The following ITPR1 variants were observed in gnomAD, a reference collection of about 807,000 sequenced individuals.
ITPR1 encodes inositol 1,4,5-trisphosphate-gated calcium channel ITPR1.
A neutral mutation model predicts 318.4 loss-of-function variants in ITPR1; 96 were observed. That is an observed-to-expected ratio of 0.30 (90% CI 0.26 to 0.36). The LOEUF (loss-of-function observed/expected upper bound fraction) is 0.36. ITPR1 is among the 10% of genes least tolerant of loss of function. The pLI is 1.00. For missense variants in ITPR1, 2,440 were observed against 3,460.2 expected (o/e 0.71, Z 7.40); for synonymous variants, 1,312 against 1,289.9 (o/e 1.02, Z -0.37).
At position 4,574,124 on chromosome 3, in the gene ITPR1, A is replaced by G. The variant is rs561565571; in HGVS notation, c.163+53030A>G. Among the ~76,000 whole-genome samples the G allele has an allele frequency of 2.3e-3, 355 of 151,982 alleles. 2 individuals carry two copies. Among genetic ancestry groups the G allele is most frequent in the African/African-American group, 8.1e-3 (337 of 41,424 alleles). ...GTAATCTGTCTACCATTTCTAGCCA[A>G]TTTCTCCAGCTAGAAATAATTTATG... On this transcript the variant is annotated intron_variant, in intron 4 of 61. Coordinates refer to ENST00000649015, the MANE Select transcript of ITPR1 (RefSeq NM_001378452.1).
intron 4 of ITPR1, among the ~76,000 whole-genome samples, chr3:4,597,199 C>T (rs1046813365): frequency 1.3e-5 from 2 of 152,158 alleles, no homozygotes; most frequent in Non-Finnish European, 2.9e-5. Flanking sequence ...AAATTGCCCT[C>T]TTTTAAAAAT....
At position 4,731,479 on chromosome 3, in the gene ITPR1, C is replaced by A. The variant is rs189465458; in HGVS notation, c.5221-1609C>A. The stretch of plus-strand genomic sequence containing the variant: ...GAGTTTCATGAGCTGATAGAAGTTA[C>A]CCTCCTTTGCTGAACTATGAAGAGA... On this transcript the variant is annotated intron_variant, in intron 42 of 61. Transcript: ENST00000649015. Among the ~76,000 whole-genome samples, 397 of 152,274 alleles carry A rather than the reference C, an allele frequency of 2.6e-3. 1 individual carries two copies. The highest frequency in any genetic ancestry group is 0.01 in the Middle Eastern group (3 of 294).
At chr3:4,644,304 T>G in intron 8 of ITPR1, 70 bp downstream of exon 8, 1 of 1,022,318 alleles carries the variant, frequency 9.8e-7, no homozygotes, top group Admixed American at 2.1e-5. Flanking sequence ...CGCCAGTGCA[T>G]GCGTGTGCTG....
rs575807986 is a variant in ITPR1, at chr3:4,557,646, A to G, written c.163+36552A>G. The stretch of plus-strand genomic sequence containing the variant: ...GTGGCTTTCAAGCTTCAAGGATTAT[A>G]TATTTCTTTAGCACTTGGCATTGTT... On this transcript the variant is annotated intron_variant, in intron 4 of 61. Coordinates refer to ENST00000649015, the MANE Select transcript of ITPR1 (RefSeq NM_001378452.1). 4.6e-5 allele frequency among the ~76,000 whole-genome samples: 7 copies of G among 152,328 alleles called. No individual in the cohort carries two copies. In the East Asian group the frequency reaches 1.3e-3, roughly 29 times the overall value.
intron 31 of ITPR1, among the ~76,000 whole-genome samples, chr3:4,690,747 G>T (rs777321972): frequency 1.3e-5 from 2 of 152,172 alleles, no homozygotes; most frequent in Non-Finnish European, 2.9e-5. Context: ...ATATATTCAT[G>T]CAATGGAACT....
At chr3:4,718,899 T>C (rs952996029) in intron 40 of ITPR1, among the ~76,000 whole-genome samples, 1 of 152,256 alleles carries the variant, frequency 6.6e-6, no homozygotes, top group Admixed American at 6.5e-5. Flanking sequence ...CTCTTGTTTC[T>C]ACGTAGAGTT....
intron 10 of ITPR1, 106 bp from the exon 11 acceptor site, chr3:4,652,017 C>G: frequency 2.3e-6 from 2 of 868,998 alleles, no homozygotes; most frequent in Non-Finnish European, 3.7e-6. Flanking sequence ...TTTTCTTTTT[C>G]TAGCTTATAA....
At chr3:4,813,328 G>C in intron 57 of ITPR1, 94 bp downstream of exon 57, 2 of 849,348 alleles carry the variant, frequency 2.4e-6, no homozygotes, top group Non-Finnish European at 3.8e-6. Flanking sequence ...TAAATTTACT[G>C]CTCAGGAGTA....
At chr3:4,496,936 T>TAA (rs1277880248) in intron 2 of ITPR1, among the ~76,000 whole-genome samples, 1 of 152,250 alleles carries the variant, frequency 6.6e-6, no homozygotes, top group Admixed American at 6.5e-5. Flanking sequence ...TCAAGCTGTC[T>TAA]TTGGCTACAT....
chr3:4,533,127 G>T (rs956553903), intron 4 of ITPR1, among the ~76,000 whole-genome samples: 5 of 152,202 alleles, frequency 3.3e-5, no homozygotes, highest in African/African-American at 1.2e-4. Context: ...ATGCACTGTA[G>T]ACAAGAAACT....
chr3:4,593,961 A>C (rs551537821), intron 4 of ITPR1, among the ~76,000 whole-genome samples: 4 of 152,260 alleles, frequency 2.6e-5, no homozygotes, highest in African/African-American at 9.6e-5. Flanking sequence ...CCTACTGGAG[A>C]GCTGAGATAA....
chr3:4,691,161 C>T lies in ITPR1; in HGVS notation c.3846C>T (p.Thr1282=), dbSNP rs767697214. 3.2e-5 allele frequency: 52 copies of T among 1,609,248 alleles called. No homozygotes were observed. Among genetic ancestry groups the T allele is most frequent in the Non-Finnish European group, 3.7e-5 (44 of 1,176,612 alleles). ...TGTGCCAGATCCTGGAGGCAGTAAC[C>T]ATGCAGCACATCTTCATGAACAATT... ...FLNPGILEAV[T]MQHIFMNNFQ... Residue 1282 remains threonine (T), a synonymous_variant, in exon 32 of 62, where the codon ACC becomes ACT. Coordinates refer to ENST00000649015, the MANE Select transcript of ITPR1 (RefSeq NM_001378452.1).
At chr3:4,542,686 G>GA (rs2084575290) in intron 4 of ITPR1, among the ~76,000 whole-genome samples, 1 of 125,186 alleles carries the variant, frequency 8.0e-6, no homozygotes, top group African/African-American at 2.7e-5. Flanking sequence ...TGTGTGGCGG[G>GA]GGGGTGGGTC....
At chr3:4,663,263 G>GCTACCACTCATGCTTTA in intron 16 of ITPR1, 57 bp downstream of exon 16, 1 of 1,522,042 alleles carries the variant, frequency 6.6e-7, no homozygotes, top group Non-Finnish European at 8.9e-7. Context: ...TAAAGCATGA[G>GCTACCACTCATGCTTTA]TGGTAGCTCA....
chr3:4,784,566 GT>G lies in ITPR1; in HGVS notation c.6615+662del, dbSNP rs767602327. On this transcript the variant is annotated intron_variant, in intron 51 of 61. Coordinates refer to ENST00000649015, the MANE Select transcript of ITPR1 (RefSeq NM_001378452.1). ...CATTACAATCAGATCTGTGTTTTTT[GT>G]TTTTTTTTTTTTTTTAAAAAAGGTG... Among the ~76,000 whole-genome samples the G allele has an allele frequency of 4.4e-3, 595 of 135,186 alleles. 2 individuals carry two copies. Among genetic ancestry groups the G allele is most frequent in the African/African-American group, 8.5e-3 (318 of 37,520 alleles). The allele number at this position is 135,186 out of a possible 152,430, so 88.7% of individuals were successfully genotyped here. A position where few individuals can be genotyped will look rare whatever the true frequency, so the allele number is the denominator to read the frequency against.
chr3:4,690,258 A>C (rs6792465), intron 31 of ITPR1, among the ~76,000 whole-genome samples: 6 of 151,810 alleles, frequency 4.0e-5, no homozygotes, highest in Non-Finnish European at 7.4e-5. Context: ...CTGGGTGACA[A>C]AGCAAGACTG....
intron 39 of ITPR1, among the ~76,000 whole-genome samples, chr3:4,713,773 A>G (rs1318752544): frequency 6.6e-6 from 1 of 152,224 alleles, no homozygotes; most frequent in Non-Finnish European, 1.5e-5. Context: ...CAGCTGGTGA[A>G]GAAATCAGTC....
chr3:4,699,188 A>G (rs1479007032), intron 34 of ITPR1, among the ~76,000 whole-genome samples: 3 of 57,482 alleles, frequency 5.2e-5, no homozygotes, highest in Non-Finnish European at 2.3e-4. Flanking sequence ...ATCTCTACTA[A>G]AAAAAAAAAA....
intron 33 of ITPR1, among the ~76,000 whole-genome samples, chr3:4,694,459 G>A (rs2094526764): frequency 6.6e-6 from 1 of 151,716 alleles, no homozygotes; most frequent in Non-Finnish European, 1.5e-5. Context: ...AGGTTATTTT[G>A]AAAAGCTAAA....
Sources: gnomAD v4.1 joint callset for allele counts (sites outside exome capture counted in the v4.1 genomes callset) on GRCh38, gnomAD v4.1.1 for gene constraint, MANE v1.5 for transcripts, NCBI Gene and HGNC (gene_info 2026-07-23, HGNC 2026-07-21) for gene names.